Variants in SPOP observed in about 807,000 individuals in gnomAD.
SPOP encodes the protein speckle-type POZ protein.
In SPOP, 11 loss-of-function variants were observed where a neutral mutation model predicts 45.6. The ratio of observed to expected loss-of-function variants is 0.24; its 90% CI spans 0.15 to 0.40. The LOEUF is 0.40. Ranked by LOEUF, SPOP falls within the 10% of genes least tolerant of loss-of-function variation. The pLI is 1.00. For synonymous variants in SPOP, 166 were observed against 166.3 expected (o/e 1.00, Z 0.01); for missense variants, 152 against 465.6 (o/e 0.33, Z 6.20).
intron 1 of SPOP, among the ~76,000 whole-genome samples, chr17:49,641,784 G>T (rs370483699): frequency 3.3e-5 from 5 of 152,088 alleles, no homozygotes; most frequent in Non-Finnish European, 5.9e-5. Flanking sequence ...CGCTTTGGGA[G>T]GCCGAGGTGG....
chr17:49,657,580 A>C (rs2072930510), intron 1 of SPOP, among the ~76,000 whole-genome samples: 1 of 151,038 alleles, frequency 6.6e-6, no homozygotes, highest in Non-Finnish European at 1.5e-5. Context: ...TGTATTTTTA[A>C]TAGGGACGGG....
chr17:49,671,997 G>A (rs986540899), intron 1 of SPOP, among the ~76,000 whole-genome samples: 4 of 152,086 alleles, frequency 2.6e-5, no homozygotes, highest in Non-Finnish European at 4.4e-5. Context: ...AAAATTAGCC[G>A]AGCGTTGTGG....
intron 1 of SPOP, among the ~76,000 whole-genome samples, chr17:49,626,691 A>G (rs1303138721): frequency 6.6e-6 from 1 of 152,014 alleles, no homozygotes; most frequent in Non-Finnish European, 1.5e-5. Flanking sequence ...CAGAGGAAAA[A>G]AAAAAAGTAA....
chr17:49,651,665 T>A (rs191462175), intron 1 of SPOP, among the ~76,000 whole-genome samples: 4 of 152,328 alleles, frequency 2.6e-5, no homozygotes, highest in African/African-American at 9.6e-5. Context: ...ATCATCTTAA[T>A]CAAATTATTA....
At position 49,600,393 on chromosome 17, in the gene SPOP, G is replaced by A; in HGVS notation, c.1110C>T (p.Arg370=). The change falls in exon 10 of 10, where the codon CGC becomes CGT. Residue 370 remains arginine (R), a synonymous_variant. Transcript: ENST00000504102. This position sits in a 1 kb window ranked among gnomAD's most constrained non-coding sequence, Gnocchi z 4.2. ...QCPFLGPPRK[R]LKQS ...AAGCAGGATCTTAGGATTGCTTCAG[G>A]CGTTTGCGTGGGGGTCCCAGAAAAG... 6.2e-7 allele frequency: 1 copy of A among 1,614,110 alleles called. No individual in the cohort carries two copies. The highest frequency in any genetic ancestry group is 8.5e-7 in the Non-Finnish European group (1 of 1,180,008).
intron 1 of SPOP, among the ~76,000 whole-genome samples, chr17:49,642,401 T>C (rs2143443690): frequency 6.6e-6 from 1 of 151,380 alleles, no homozygotes; most frequent in African/African-American, 2.4e-5. Flanking sequence ...ATACAAAAAT[T>C]AGCTGAGCAT....
chr17:49,674,544 C>T (rs1383329147), intron 1 of SPOP, among the ~76,000 whole-genome samples: 2 of 152,184 alleles, frequency 1.3e-5, no homozygotes, highest in Non-Finnish European at 2.9e-5. Context: ...TTATTTGAAG[C>T]TCATAGTGAA....
intron 5 of SPOP, among the ~76,000 whole-genome samples, chr17:49,614,816 T>G (rs1312419708): frequency 1.3e-5 from 2 of 150,170 alleles, no homozygotes; most frequent in Non-Finnish European, 3.0e-5. Context: ...TGTGTGTGTG[T>G]GTGTGTGTGT....
chr17:49,661,224 C>A (rs2072983884), intron 1 of SPOP, among the ~76,000 whole-genome samples: 1 of 152,188 alleles, frequency 6.6e-6, no homozygotes, highest in Non-Finnish European at 1.5e-5. Context: ...TTTTCAATCT[C>A]TCATGCTTTA....
intron 5 of SPOP, among the ~76,000 whole-genome samples, chr17:49,611,668 C>A (rs554772375): frequency 2.0e-5 from 3 of 152,164 alleles, no homozygotes; most frequent in Non-Finnish European, 2.9e-5. Flanking sequence ...CATCTCAGGA[C>A]AATAGGAAGA....
In SPOP at chr17:49,600,394, C is replaced by T. The variant is rs1235434281; in HGVS notation, c.1109G>A (p.Arg370His). Reference sequence around the variant, plus strand: ...AGCAGGATCTTAGGATTGCTTCAGGCGTTTGCGTGGGGGTCCCAGAAAAGG... The same window carrying T: ...AGCAGGATCTTAGGATTGCTTCAGGTGTTTGCGTGGGGGTCCCAGAAAAGG... Reference protein sequence around the residue: ...QCPFLGPPRKRLKQS With the variant: ...QCPFLGPPRKHLKQS The change falls in exon 10 of 10, where the codon CGC (arginine) becomes CAC (histidine). Residue 370 changes from arginine (R) to histidine (H), a missense_variant. This residue lies in a region of SPOP where 106 missense variants were observed against 255.2 expected (regional missense o/e 0.42). Transcript: ENST00000504102. The surrounding 1 kb of genome is among the most constrained non-coding windows in gnomAD (Gnocchi z 4.2). 5.0e-6 allele frequency: 8 copies of T among 1,614,048 alleles called. No homozygotes were observed. The highest frequency in any genetic ancestry group is 5.9e-6 in the Non-Finnish European group (7 of 1,179,990).
At chr17:49,626,238 A>G (rs1434276855) in intron 1 of SPOP, among the ~76,000 whole-genome samples, 1 of 152,198 alleles carries the variant, frequency 6.6e-6, no homozygotes, top group Admixed American at 6.5e-5. Flanking sequence ...TTTAGATGCT[A>G]TATTTTATAC....
intron 8 of SPOP, chr17:49,602,223 C>T (rs1400790901): frequency 6.1e-6 from 3 of 494,018 alleles, no homozygotes; most frequent in African/African-American, 3.9e-5. Context: ...ACTTGGAAAG[C>T]TGCCATTAGA....
chr17:49,653,968 G>A (rs2072875543), intron 1 of SPOP, among the ~76,000 whole-genome samples: 1 of 152,074 alleles, frequency 6.6e-6, no homozygotes, highest in African/African-American at 2.4e-5. Context: ...GAGAGTAGGT[G>A]AGCAACTTGT....
intron 1 of SPOP, among the ~76,000 whole-genome samples, chr17:49,654,395 A>T (rs2072880603): frequency 6.6e-6 from 1 of 152,216 alleles, no homozygotes; most frequent in Admixed American, 6.5e-5. Context: ...CAGCCAACTA[A>T]ATGTTTAATT....
At chr17:49,602,944 A>G (rs1457095933) in intron 8 of SPOP, among the ~76,000 whole-genome samples, 2 of 152,212 alleles carry the variant, frequency 1.3e-5, no homozygotes, top group Non-Finnish European at 2.9e-5. Flanking sequence ...GGGATAGGAA[A>G]GAGGAAGGAA....
chr17:49,614,802 AGTGTGTGTGTGTGTGTGT>A (rs60134980), intron 5 of SPOP, among the ~76,000 whole-genome samples: 7 of 146,978 alleles, frequency 4.8e-5, no homozygotes, highest in African/African-American at 1.5e-4. Context: ...CATGCTATGA[AGTGTGTGTGTGTGTGTGT>A]GTGTGTGTGT....
At chr17:49,659,528 G>C (rs1415152757) in intron 1 of SPOP, among the ~76,000 whole-genome samples, 4 of 152,144 alleles carry the variant, frequency 2.6e-5, no homozygotes, top group Admixed American at 2.6e-4. Flanking sequence ...TATTTTTCTA[G>C]AGCCACTGAC....
chr17:49,624,924 T>C (rs746314727), intron 1 of SPOP, among the ~76,000 whole-genome samples: 4 of 151,898 alleles, frequency 2.6e-5, no homozygotes, highest in South Asian at 2.1e-4. Context: ...GTGAAATCAA[T>C]TGGGTGTTAT....
Sources: gnomAD v4.1 joint callset for allele counts (sites outside exome capture counted in the v4.1 genomes callset) on GRCh38, gnomAD v4.1.1 for gene constraint, gnomAD v4.1.1 regional missense constraint, Gnocchi (gnomAD v3.1) non-coding constraint, MANE v1.5 for transcripts, NCBI Gene and HGNC (gene_info 2026-07-23, HGNC 2026-07-21) for gene names.